SCARA3: variants seen among roughly 807,000 people sequenced by gnomAD.
SCARA3 encodes the protein cellular stress response gene protein.
Under a neutral mutation model 47.0 loss-of-function variants are expected in SCARA3, and 39 were observed. The ratio of observed to expected loss-of-function variants is 0.83; its 90% confidence interval spans 0.64 to 1.08. The LOEUF (loss-of-function observed/expected upper bound fraction) is 1.08. Ranked by LOEUF, SCARA3 falls within the 50% of genes least tolerant of loss-of-function variation. The probability of loss-of-function intolerance (pLI) is 0.00; values close to 1 mark genes in which losing one functional copy is unlikely to be tolerated. For missense variants in SCARA3, 724 were observed against 792.3 expected, an observed-to-expected ratio of 0.91 and a Z score of 1.04; for synonymous variants, 356 against 334.1, an observed-to-expected ratio of 1.07 and a Z score of -0.71.
chr8:27,637,193 G>T (rs1045043674), intron 1 of SCARA3, among the ~76,000 whole-genome samples: 1 of 152,220 alleles, frequency 6.6e-6, no homozygotes, highest in African/African-American at 2.4e-5. Flanking sequence ...ATTTCCACCC[G>T]AGGCCCCTCC....
rs748873297 is a variant in SCARA3 at position 27,634,168 on chromosome 8, C to A, written c.-33C>A. On this transcript the variant is annotated 5_prime_UTR_variant, in exon 1 of 6. Transcript: ENST00000301904. Reference sequence around the variant, plus strand: ...CCACTACAGCTCCAGCCGCCTGCAGCGGGGCCCTCCTGAGGCCCCAGAGGA... The same window carrying A: ...CCACTACAGCTCCAGCCGCCTGCAGAGGGGCCCTCCTGAGGCCCCAGAGGA... 1 of 1,445,172 alleles carries A rather than the reference C, an allele frequency of 6.9e-7. No homozygotes were observed. Among genetic ancestry groups the A allele is most frequent in the Non-Finnish European group, 9.1e-7 (1 of 1,102,982 alleles). The allele number at this position is 1,445,172 out of a possible 1,614,324, so 89.5% of individuals were successfully genotyped here. A position where few individuals can be genotyped will look rare whatever the true frequency, so the allele number is the denominator to read the frequency against.
At chr8:27,729,738 C>A in the SCARA3 span, among the ~76,000 whole-genome samples, 1 of 152,120 alleles carries the variant, frequency 6.6e-6, no homozygotes, top group African/African-American at 2.4e-5. Context: ...TTACAGTGAG[C>A]TGAGATCATG....
At chr8:27,693,770 C>T in the SCARA3 span, among the ~76,000 whole-genome samples, 1 of 152,218 alleles carries the variant, frequency 6.6e-6, no homozygotes, top group Non-Finnish European at 1.5e-5. Context: ...ATGATAAAAA[C>T]TAGGTCTCCA....
At chr8:27,722,110 T>C in the SCARA3 span, among the ~76,000 whole-genome samples, 13 of 152,256 alleles carry the variant, frequency 8.5e-5, no homozygotes, top group East Asian at 1.9e-3. Flanking sequence ...GAAATATTTA[T>C]GAATGCTAAA....
downstream of SCARA3, among the ~76,000 whole-genome samples, chr8:27,679,541 T>C (rs1176257933): frequency 4.6e-5 from 7 of 152,150 alleles, no homozygotes; most frequent in Admixed American, 4.6e-4. Context: ...AAATTTACTC[T>C]CTCAGGAAGT....
the SCARA3 span, among the ~76,000 whole-genome samples, chr8:27,722,645 C>G: frequency 6.6e-6 from 1 of 152,322 alleles, no homozygotes. Context: ...CCTACTATCC[C>G]CAGCCTTATC....
chr8:27,700,423 A>G, the SCARA3 span, among the ~76,000 whole-genome samples: 1 of 152,138 alleles, frequency 6.6e-6, no homozygotes, highest in Non-Finnish European at 1.5e-5. Flanking sequence ...CCTGGCCAAC[A>G]TGGTGAAACC....
At chr8:27,686,700 C>T in the SCARA3 span, among the ~76,000 whole-genome samples, 1 of 152,196 alleles carries the variant, frequency 6.6e-6, no homozygotes, top group African/African-American at 2.4e-5. Context: ...AAACCCAGCT[C>T]AGATGCTGCC....
At chr8:27,639,224 C>T (rs955020130) in intron 1 of SCARA3, among the ~76,000 whole-genome samples, 1 of 152,198 alleles carries the variant, frequency 6.6e-6, no homozygotes, top group Admixed American at 6.5e-5. Flanking sequence ...AGGGAGGAAG[C>T]ACGCTAGTTG....
Position 27,672,833 on chromosome 8 carries a change from T to A in SCARA3, c.*1482T>A. ...CCCGCAAGGTTAGGGCATAGAGTTG[T>A]CTCCTTCCCAACACGGACCCAGAGA... On this transcript the variant is annotated 3_prime_UTR_variant, in exon 6 of 6. Coordinates refer to ENST00000301904, the MANE Select transcript of SCARA3 (RefSeq NM_016240.3). 1.0e-6 allele frequency: 1 copy of A among 985,628 alleles called. No homozygotes were observed. Among genetic ancestry groups the A allele is most frequent in the Non-Finnish European group, 1.2e-6 (1 of 830,080 alleles). 61.1% of individuals were successfully genotyped at this position (985,628 alleles called of 1,614,324 possible).
At chr8:27,643,578 T>C (rs2128915907) in intron 1 of SCARA3, among the ~76,000 whole-genome samples, 1 of 152,350 alleles carries the variant, frequency 6.6e-6, no homozygotes, top group African/African-American at 2.4e-5. Flanking sequence ...GGAAGGGCTC[T>C]AATGAAAACA....
At chr8:27,723,463 C>T in the SCARA3 span, among the ~76,000 whole-genome samples, 4 of 152,188 alleles carry the variant, frequency 2.6e-5, no homozygotes, top group Non-Finnish European at 5.9e-5. Context: ...AATCTTTCCC[C>T]TTCATCCTTA....
At chr8:27,732,127 G>C in the SCARA3 span, among the ~76,000 whole-genome samples, 4 of 152,210 alleles carry the variant, frequency 2.6e-5, no homozygotes, top group East Asian at 7.7e-4. Context: ...GCCTCATCCA[G>C]GCAGGATGTG....
chr8:27,712,528 A>C, the SCARA3 span, among the ~76,000 whole-genome samples: 1 of 135,162 alleles, frequency 7.4e-6, no homozygotes, highest in Non-Finnish European at 1.5e-5. Flanking sequence ...CCGCCACTGC[A>C]CTCCAGCCTG....
chr8:27,717,120 G>A, the SCARA3 span, among the ~76,000 whole-genome samples: 5 of 152,132 alleles, frequency 3.3e-5, no homozygotes, highest in African/African-American at 4.8e-5. Flanking sequence ...TAGAGAAATG[G>A]GACAGCTGGG....
rs1277688237 is a variant in SCARA3 at position 27,659,207 on chromosome 8, T to C, written c.1037T>C (p.Leu346Pro). The part of the protein sequence containing the change: ...QNRTVERFES[L>P]EGRMASHEIE... ...CGCACTGTGGAGAGGTTTGAGTCTC[T>C]GGAAGGACGCATGGCTTCTCACGAG... The change falls in exon 5 of 6, where the codon CTG becomes CCG. Residue 346 changes from leucine to proline, a missense_variant. Coordinates refer to ENST00000301904, the MANE Select transcript of SCARA3 (RefSeq NM_016240.3). The C allele has an allele frequency of 6.2e-7, 1 of 1,614,056 alleles. No homozygotes were observed. The highest frequency in any genetic ancestry group is 8.5e-7 in the Non-Finnish European group (1 of 1,180,042).
At position 27,671,147 on chromosome 8, in the gene SCARA3, A is replaced by G. The variant is rs1422682629; in HGVS notation, c.1617A>G (p.Pro539=). 1.3e-6 allele frequency: 2 copies of G among 1,556,588 alleles called. No homozygotes were observed. The highest frequency in any genetic ancestry group is 2.7e-5 in the African/African-American group (2 of 72,906). ...GTGGPRGQPG[P]KGDIGPPGPE... is the part of the protein sequence containing the mutation. ...GAGGGCCGAGAGGACAGCCAGGCCC[A>G]AAAGGGGACATAGGGCCCCCAGGGC... The change falls in exon 6 of 6, where the codon CCA becomes CCG. Residue 539 remains proline, a synonymous_variant. Coordinates refer to ENST00000301904, the MANE Select transcript of SCARA3 (RefSeq NM_016240.3).
intron 1 of SCARA3, among the ~76,000 whole-genome samples, chr8:27,639,057 T>C (rs1044406296): frequency 1.3e-5 from 2 of 152,166 alleles, no homozygotes; most frequent in African/African-American, 4.8e-5. Context: ...ATCGGTGTCC[T>C]CAGTGTCTCC....
chr8:27,691,617 T>C, the SCARA3 span, among the ~76,000 whole-genome samples: 1 of 152,124 alleles, frequency 6.6e-6, no homozygotes, highest in East Asian at 1.9e-4. Context: ...TCCTGTAAAT[T>C]TCAGTGCACA....
Sources: allele counts gnomAD v4.1 joint callset (sites outside exome capture counted in the v4.1 genomes callset), GRCh38; gene constraint gnomAD v4.1.1; transcripts MANE v1.5; gene names NCBI Gene and HGNC (gene_info 2026-07-23, HGNC 2026-07-21).